KCNJ6: variants seen among roughly 807,000 people sequenced by gnomAD.
KCNJ6 encodes the protein G protein-activated inward rectifier potassium channel 2.
KCNJ6 carries 9 observed loss-of-function variants against 34.2 expected under a neutral mutation model. The ratio of observed to expected loss-of-function variants is 0.26; its 90% CI spans 0.16 to 0.46. The LOEUF (loss-of-function observed/expected upper bound fraction) is 0.46, where lower values mean the gene tolerates loss of function less well. Among genes scored for constraint, KCNJ6 ranks in the 20% least tolerant of loss-of-function variants. KCNJ6 has a pLI of 1.00. For missense variants in KCNJ6, 236 were observed against 531.3 expected (o/e 0.44, Z 5.46); for synonymous variants, 196 against 207.1 (o/e 0.95, Z 0.46).
chr21:37,787,375 A>G (rs1193566720), intron 2 of KCNJ6, among the ~76,000 whole-genome samples: 4 of 152,170 alleles, frequency 2.6e-5, no homozygotes, highest in Non-Finnish European at 4.4e-5. Context: ...GTGATGCCCC[A>G]TGACACCTTT....
intron 1 of KCNJ6, among the ~76,000 whole-genome samples, chr21:37,890,376 C>T (rs1169060844): frequency 6.6e-6 from 1 of 152,184 alleles, no homozygotes; most frequent in Non-Finnish European, 1.5e-5. Context: ...GTGGGGATTA[C>T]GGGGACTACA....
rs538683696 is a variant in KCNJ6, at chr21:37,695,494, A to G, written c.946+18717T>C. ...CTCTTTGATCCTCCTGCAGGTGTTA[A>G]GAGCTGGGTCTGAGACTTCTGGAAG... On this transcript the variant is annotated intron_variant, in intron 3 of 3. Coordinates refer to ENST00000609713, the MANE Select transcript of KCNJ6 (RefSeq NM_002240.5). This position sits in a 1 kb window ranked among gnomAD's most constrained non-coding sequence, Gnocchi z 4.2. Among the ~76,000 whole-genome samples, 3 of 152,162 alleles carry G rather than the reference A, an allele frequency of 2.0e-5. No homozygotes were observed. Among genetic ancestry groups the G allele is most frequent in the Non-Finnish European group, 4.4e-5 (3 of 68,024 alleles).
chr21:37,809,184 A>ATT (rs2055308778), intron 2 of KCNJ6, among the ~76,000 whole-genome samples: 1 of 152,246 alleles, frequency 6.6e-6, no homozygotes, highest in Admixed American at 6.5e-5. Flanking sequence ...CCCATGGAAT[A>ATT]CTATGCAGCC....
intron 2 of KCNJ6, among the ~76,000 whole-genome samples, chr21:37,767,948 C>G (rs1217323745): frequency 6.6e-6 from 1 of 152,160 alleles, no homozygotes; most frequent in Non-Finnish European, 1.5e-5. Context: ...GAGGAAGACA[C>G]AGAGTCTAGA....
chr21:37,637,221 A>G (rs926716421), intron 3 of KCNJ6, among the ~76,000 whole-genome samples: 22 of 152,198 alleles, frequency 1.4e-4, no homozygotes, highest in African/African-American at 3.1e-4. Flanking sequence ...TGGCATAATC[A>G]TGGTTTTAGT....
intron 2 of KCNJ6, among the ~76,000 whole-genome samples, chr21:37,836,128 CAT>C (rs1278434841): frequency 6.6e-6 from 1 of 152,134 alleles, no homozygotes; most frequent in Non-Finnish European, 1.5e-5. Context: ...AGCCAACAAA[CAT>C]ATGAAAAAAT....
At position 37,625,233 on chromosome 21, in the gene KCNJ6, C is replaced by T; in HGVS notation, c.1198G>A (p.Glu400Lys). Reference sequence around the variant, plus strand: ...GTTTGCTCTTCGAGGTTCTTTTCTTCCTCTTCAGTCTCCAGTTCTGCATGT... The same window carrying T: ...GTTTGCTCTTCGAGGTTCTTTTCTTTCTCTTCAGTCTCCAGTTCTGCATGT... The part of the protein sequence containing the change: ...NQHAELETEE[E>K]EKNLEEQTER... Residue 400 changes from glutamate to lysine, a missense_variant, in exon 4 of 4, where the codon GAA (glutamate) becomes AAA (lysine). Around this residue, in one of 5 missense-constraint regions of KCNJ6, gnomAD observed 43 missense variants for 52.1 expected, o/e 0.82. Transcript: ENST00000609713. 6.2e-7 allele frequency: 1 copy of T among 1,614,214 alleles called. No homozygotes were observed.
At chr21:37,819,236 A>G (rs1209687036) in intron 2 of KCNJ6, among the ~76,000 whole-genome samples, 1 of 134,534 alleles carries the variant, frequency 7.4e-6, no homozygotes, top group Non-Finnish European at 1.7e-5. Context: ...TTTTGCCTGA[A>G]ATGCTCTGGG....
At chr21:37,827,187 CT>C (rs1030353623) in intron 2 of KCNJ6, among the ~76,000 whole-genome samples, 48 of 152,278 alleles carry the variant, frequency 3.2e-4, no homozygotes, top group African/African-American at 1.1e-3. Flanking sequence ...CAAAAGTGTG[CT>C]TTATCTCCCT....
intron 2 of KCNJ6, among the ~76,000 whole-genome samples, chr21:37,762,554 G>A (rs564808971): frequency 2.0e-5 from 3 of 152,086 alleles, no homozygotes; most frequent in East Asian, 3.9e-4. Context: ...TTCTTTTTTC[G>A]GCAGCCTGAA....
At chr21:37,814,964 CA>C (rs1405265402) in intron 2 of KCNJ6, among the ~76,000 whole-genome samples, 3 of 146,150 alleles carry the variant, frequency 2.1e-5, no homozygotes, top group Admixed American at 6.8e-5. Context: ...ATGTTTGCAA[CA>C]ACATGGAAGG....
chr21:37,700,667 T>G (rs1262941119), intron 3 of KCNJ6, among the ~76,000 whole-genome samples: 1 of 152,068 alleles, frequency 6.6e-6, no homozygotes, highest in African/African-American at 2.4e-5. Context: ...GCCAAGCCCC[T>G]GAGAGGAAAG....
intron 2 of KCNJ6, among the ~76,000 whole-genome samples, chr21:37,807,332 TC>T (rs1188468360): frequency 1.3e-5 from 2 of 152,204 alleles, no homozygotes; most frequent in Non-Finnish European, 2.9e-5. Context: ...TATAATTAAA[TC>T]AAACCATTAA....
intron 3 of KCNJ6, among the ~76,000 whole-genome samples, chr21:37,659,627 C>T (rs73412007): frequency 0.029 from 4,442 of 152,340 alleles, 205 homozygotes; most frequent in African/African-American, 0.099. Context: ...TCCCCCCGAC[C>T]TGGGGTACTC....
chr21:37,792,173 C>T (rs1173485315), intron 2 of KCNJ6, among the ~76,000 whole-genome samples: 2 of 152,190 alleles, frequency 1.3e-5, no homozygotes, highest in East Asian at 1.9e-4. Flanking sequence ...ATACTTCAGC[C>T]CATGGGCTGC....
intron 1 of KCNJ6, among the ~76,000 whole-genome samples, chr21:37,909,929 A>G (rs1295903349): frequency 2.6e-5 from 4 of 152,142 alleles, no homozygotes; most frequent in African/African-American, 9.7e-5. Flanking sequence ...TCTCCTTCCC[A>G]TTGATCATTG....
intron 3 of KCNJ6, among the ~76,000 whole-genome samples, chr21:37,632,856 G>A (rs905826929): frequency 6.6e-6 from 1 of 152,016 alleles, no homozygotes; most frequent in Non-Finnish European, 1.5e-5. Flanking sequence ...TTAAAAACTT[G>A]CCATAAAGAA....
At position 37,865,915 on chromosome 21, in the gene KCNJ6, A is replaced by C. The variant is rs1390246938; in HGVS notation, c.-27-25206T>G. On this transcript the variant is annotated intron_variant, in intron 1 of 3. Transcript: ENST00000609713. Reference sequence around the variant, plus strand: ...CACACATTTATGTGCTCATCAGCACATGAAACTCTCAGCAGTGTAGATCGT... The same window carrying C: ...CACACATTTATGTGCTCATCAGCACCTGAAACTCTCAGCAGTGTAGATCGT... Among the ~76,000 whole-genome samples the C allele has an allele frequency of 4.6e-5, 7 of 152,244 alleles. No homozygotes were observed. In the East Asian group the frequency reaches 1.3e-3, roughly 29 times the overall value.
rs1303038700 is a variant in KCNJ6 at position 37,613,847 on chromosome 21, T to G, written c.*11312A>C. Reference sequence around the variant, plus strand: ...GATTCTATAATGGTGGATCCATGCCTTTATACATTTGCCCAAATCCATAGA... The same window carrying G: ...GATTCTATAATGGTGGATCCATGCCGTTATACATTTGCCCAAATCCATAGA... On this transcript the variant is annotated 3_prime_UTR_variant, in exon 4 of 4. Coordinates refer to ENST00000609713, the MANE Select transcript of KCNJ6 (RefSeq NM_002240.5). 6.6e-6 allele frequency: 1 copy of G among 152,154 alleles called. No individual in the cohort carries two copies. The allele number at this position is 152,154 out of a possible 1,614,324, so 9.4% of individuals were successfully genotyped here.
Sources: allele counts gnomAD v4.1 joint callset (sites outside exome capture counted in the v4.1 genomes callset), GRCh38; gene constraint gnomAD v4.1.1; regional missense constraint gnomAD v4.1.1; non-coding constraint Gnocchi (gnomAD v3.1); transcripts MANE v1.5; gene names NCBI Gene and HGNC (gene_info 2026-07-23, HGNC 2026-07-21).